The following MEI1 variants were observed in gnomAD, a reference collection of about 807,000 sequenced individuals.
MEI1 encodes meiotic double-stranded break formation protein 1.
Under a neutral mutation model 146.2 loss-of-function variants are expected in MEI1, and 103 were observed. The ratio of observed to expected loss-of-function variants is 0.70; its 90% CI spans 0.60 to 0.83. The LOEUF is 0.83. Ranked by LOEUF, MEI1 falls within the 40% of genes least tolerant of loss-of-function variation. The probability of loss-of-function intolerance (pLI) is 0.00; values close to 1 mark genes in which losing one functional copy is unlikely to be tolerated. For missense variants in MEI1, 1,529 were observed against 1,533.0 expected, an observed-to-expected ratio of 1.00 and a Z score of 0.04; for synonymous variants, 652 against 628.2, an observed-to-expected ratio of 1.04 and a Z score of -0.57.
rs779236150 is a variant in MEI1 at position 41,699,528 on chromosome 22, C to G, written c.-11C>G. On this transcript the variant is annotated 5_prime_UTR_variant, in exon 1 of 31. Coordinates refer to ENST00000401548, the MANE Select transcript of MEI1 (RefSeq NM_152513.4). ...GAAAGAGTGCCGCCTCAGCTGAGGG[C>G]AAGCGAGGAGATGGCTGTGAGGCAG... 1.2e-6 allele frequency: 2 copies of G among 1,604,212 alleles called. No individual in the cohort carries two copies. The highest frequency in any genetic ancestry group is 8.5e-7 in the Non-Finnish European group (1 of 1,176,774).
In MEI1 at chr22:41,732,334, A is replaced by C. The variant is rs1156293385; in HGVS notation, c.1186A>C (p.Ile396Leu). 7 of 1,613,174 alleles carry C rather than the reference A, an allele frequency of 4.3e-6. No individual in the cohort carries two copies. The highest frequency in any genetic ancestry group is 5.9e-6 in the Non-Finnish European group (7 of 1,179,566). The stretch of plus-strand genomic sequence containing the variant: ...GCAGGGCCTGCTGCTTTTCGCTGAA[A>C]TCCTGACCCGGTGAGCAAAGTGGTG... The part of the protein sequence containing the change: ...HKQGLLLFAE[I>L]LTRQPEEIKL... The change falls in exon 10 of 31, where the codon ATC becomes CTC. Residue 396 changes from isoleucine (I) to leucine (L), a missense_variant. Ile to Leu is a conservative substitution (Grantham distance 5). Coordinates refer to ENST00000401548, the MANE Select transcript of MEI1 (RefSeq NM_152513.4).
At chr22:41,736,255 T>C (rs1216229213) in intron 11 of MEI1, among the ~76,000 whole-genome samples, 2 of 27,006 alleles carry the variant, frequency 7.4e-5, no homozygotes, top group Non-Finnish European at 1.2e-4. Flanking sequence ...TTTCTTTTTC[T>C]TTTTTTTTTT....
At chr22:41,788,364 G>A (rs2076063778) in intron 26 of MEI1, among the ~76,000 whole-genome samples, 1 of 151,834 alleles carries the variant, frequency 6.6e-6, no homozygotes, top group African/African-American at 2.4e-5. Flanking sequence ...CATTTGAACT[G>A]GGCCTTGAGT....
chr22:41,750,259 C>T (rs757600378), intron 15 of MEI1, among the ~76,000 whole-genome samples: 27 of 151,936 alleles, frequency 1.8e-4, no homozygotes, highest in African/African-American at 5.8e-4. Flanking sequence ...AGGAGAGGTA[C>T]GAGCATTTGG....
At chr22:41,712,204 C>CA (rs561773303) in intron 3 of MEI1, among the ~76,000 whole-genome samples, 19,176 of 53,906 alleles carry the variant, frequency 0.36, 4,485 homozygotes, top group Admixed American at 0.61. Flanking sequence ...AACTCCGGCT[C>CA]AAAAAAAAAA....
Position 41,729,659 on chromosome 22 carries a change from C to A in MEI1, c.865-6C>A. 6.2e-7 allele frequency: 1 copy of A among 1,600,632 alleles called. No homozygotes were observed. Among genetic ancestry groups the A allele is most frequent in the Non-Finnish European group, 8.5e-7 (1 of 1,172,156 alleles). On this transcript the variant is annotated splice_region_variant and splice_polypyrimidine_tract_variant and intron_variant, in intron 7 of 30. Coordinates refer to ENST00000401548, the MANE Select transcript of MEI1 (RefSeq NM_152513.4). ...CTGGGGTACTTTTTGCTGCCTGTTT[C>A]TCCAGCTTCTCCTCTCTAGAGATGA...
At chr22:41,737,668 A>G (rs2072498741) in intron 11 of MEI1, among the ~76,000 whole-genome samples, 2 of 152,080 alleles carry the variant, frequency 1.3e-5, no homozygotes, top group South Asian at 2.1e-4. Context: ...CAGCCTCCCA[A>G]ATAGCTGGAA....
rs368775604 is a variant in MEI1, at chr22:41,724,029, G to C, written c.820G>C (p.Glu274Gln). The change falls in exon 7 of 31, where the codon GAA (glutamate) becomes CAA (glutamine). Residue 274 changes from glutamate (E) to glutamine (Q), a missense_variant. Coordinates refer to ENST00000401548, the MANE Select transcript of MEI1 (RefSeq NM_152513.4). ...ACTGGGAGAAAGTGCTAAGAATATC[G>C]AAGGGTCATCAGGAAATACCTCACT... is the stretch of plus-strand genomic sequence containing the variant. ...DGLGESAKNI[E>Q]GSSGNTSLPL... is the part of the protein sequence containing the mutation. 7 of 1,613,666 alleles carry C rather than the reference G, an allele frequency of 4.3e-6. No homozygotes were observed. In the African/African-American group the frequency reaches 9.3e-5, roughly 22 times the overall value.
intron 16 of MEI1, 74 bp downstream of exon 16, chr22:41,752,725 TG>T (rs1430207757): frequency 7.4e-7 from 1 of 1,356,664 alleles, no homozygotes; most frequent in Non-Finnish European, 1.0e-6. Context: ...TGGGAATTGT[TG>T]GCTGGTGTGT....
intron 19 of MEI1, among the ~76,000 whole-genome samples, chr22:41,770,304 C>T (rs1216182291): frequency 6.6e-6 from 1 of 152,084 alleles, no homozygotes; most frequent in Admixed American, 6.6e-5. Flanking sequence ...GTGGTACCAT[C>T]ATCAAGCTGG....
At position 41,778,712 on chromosome 22, in the gene MEI1, G is replaced by A. The variant is rs764199083; in HGVS notation, c.2715G>A (p.Ser905=). The part of the protein sequence containing the change: ...VEHGASPSGA[S]GNLPLLLSLL... ...AGTCCTCCTTGTTCTTCACAGCCTC[G>A]GGGAACCTACCATTGCTGCTGAGCC... is the stretch of plus-strand genomic sequence containing the variant. Residue 905 remains serine (S), a synonymous_variant, in exon 22 of 31, where the codon TCG becomes TCA. Transcript: ENST00000401548. 4.4e-6 allele frequency: 7 copies of A among 1,601,184 alleles called. No individual in the cohort carries two copies. Among genetic ancestry groups the A allele is most frequent in the Admixed American group, 3.4e-5 (2 of 58,104 alleles).
intron 6 of MEI1, among the ~76,000 whole-genome samples, chr22:41,720,996 G>T (rs2070733034): frequency 6.6e-6 from 1 of 151,390 alleles, no homozygotes; most frequent in East Asian, 2.0e-4. Flanking sequence ...AGCCAGGATG[G>T]TCTCGATCTC....
chr22:41,724,394 C>A (rs188156422), intron 7 of MEI1, among the ~76,000 whole-genome samples: 8 of 151,566 alleles, frequency 5.3e-5, no homozygotes, highest in Non-Finnish European at 1.0e-4. Flanking sequence ...CCAAGGCTGG[C>A]GGATCATGAG....
At chr22:41,714,097 C>A in intron 4 of MEI1, 22 bp downstream of exon 4, 1 of 1,575,938 alleles carries the variant, frequency 6.3e-7, no homozygotes, top group Non-Finnish European at 8.6e-7. Context: ...GCTATGGGTT[C>A]TTGAGTCTCT....
intron 21 of MEI1, among the ~76,000 whole-genome samples, chr22:41,777,007 G>T (rs778653401): frequency 5.3e-5 from 8 of 151,680 alleles, no homozygotes; most frequent in Non-Finnish European, 1.2e-4. Context: ...AGGAGAGACG[G>T]GGTTTCACCA....
At chr22:41,700,498 T>C (rs562621878) in intron 1 of MEI1, among the ~76,000 whole-genome samples, 1 of 152,168 alleles carries the variant, frequency 6.6e-6, no homozygotes, top group African/African-American at 2.4e-5. Flanking sequence ...GCTCGGCTAA[T>C]TTCTCTATTT....
At chr22:41,740,807 G>A (rs570498627) in intron 11 of MEI1, among the ~76,000 whole-genome samples, 61 of 152,128 alleles carry the variant, frequency 4.0e-4, no homozygotes, top group African/African-American at 1.5e-3. Flanking sequence ...GTGTAGGATC[G>A]TCAAACTTGG....
Position 41,703,375 on chromosome 22 carries a change from T to C in MEI1, c.219T>C (p.Leu73=), listed in dbSNP as rs1466261810. 6.2e-7 allele frequency: 1 copy of C among 1,612,426 alleles called. No individual in the cohort carries two copies. The highest frequency in any genetic ancestry group is 1.1e-5 in the South Asian group (1 of 90,626). ...TGTTGTCCTGCTTCCAAGATGCCCT[T>C]GTGAGGCATACCTCCCTGGTCACGC... ...KHMLSCFQDA[L]VRHTSLVTQL... The change falls in exon 2 of 31, where the codon CTT becomes CTC. Residue 73 remains leucine (L), a synonymous_variant. Transcript: ENST00000401548.
rs1477987491 is a variant in MEI1 at position 41,781,707 on chromosome 22, C to T, written c.2949C>T (p.Ser983=). Residue 983 remains serine, a synonymous_variant, in exon 24 of 31, where the codon AGC becomes AGT. Transcript: ENST00000401548. ...CAGCTGCTGCAGTGCTCCTGAGCAG[C>T]ACAGGCCTGATGGAGCTTCTGGAGA... The part of the protein sequence containing the change: ...QKRAAAVLLS[S]TGLMELLEKM... The T allele has an allele frequency of 1.2e-6, 2 of 1,613,490 alleles. No homozygotes were observed. Among genetic ancestry groups the T allele is most frequent in the African/African-American group, 1.3e-5 (1 of 74,942 alleles).
Sources: allele counts gnomAD v4.1 joint callset (sites outside exome capture counted in the v4.1 genomes callset), GRCh38; gene constraint gnomAD v4.1.1; transcripts MANE v1.5; gene names NCBI Gene and HGNC (gene_info 2026-07-23, HGNC 2026-07-21).